Variants in RAPGEF4 observed in about 807,000 individuals in gnomAD.
RAPGEF4 encodes the protein Rap guanine nucleotide exchange factor 4.
RAPGEF4 carries 66 observed loss-of-function variants against 147.9 expected under a neutral mutation model. The observed-to-expected ratio is 0.45, with a 90% CI of 0.37 to 0.55. RAPGEF4 has a LOEUF of 0.55. Among genes scored for constraint, RAPGEF4 ranks in the 20% least tolerant of loss-of-function variants. The pLI is 0.00. For synonymous variants in RAPGEF4, 419 were observed against 442.7 expected (o/e 0.95, Z 0.67); for missense variants, 1,071 against 1,257.3 (o/e 0.85, Z 2.24).
intron 1 of RAPGEF4, among the ~76,000 whole-genome samples, chr2:172,793,816 A>G (rs1463756852): frequency 6.6e-6 from 1 of 151,988 alleles, no homozygotes; most frequent in Non-Finnish European, 1.5e-5. Flanking sequence ...ATTTTTTTTT[A>G]TGTGTGTGGC....
intron 4 of RAPGEF4, among the ~76,000 whole-genome samples, chr2:172,891,385 C>G (rs1697893679): frequency 6.6e-6 from 1 of 152,212 alleles, no homozygotes; most frequent in Non-Finnish European, 1.5e-5. Context: ...CTCAATCTCT[C>G]AATGTATATT....
intron 6 of RAPGEF4, among the ~76,000 whole-genome samples, chr2:172,942,958 G>A (rs968598169): frequency 2.6e-5 from 4 of 152,040 alleles, no homozygotes; most frequent in Non-Finnish European, 4.4e-5. Flanking sequence ...TCTGGCTGGC[G>A]GCCACTGCAC....
At chr2:172,745,280 G>T (rs1034906225) in intron 1 of RAPGEF4, among the ~76,000 whole-genome samples, 3 of 152,014 alleles carry the variant, frequency 2.0e-5, no homozygotes, top group Non-Finnish European at 4.4e-5. Context: ...GGACTGTTCA[G>T]ATTTTCTTTT....
At chr2:173,028,380 T>G (rs1038252424) in intron 25 of RAPGEF4, among the ~76,000 whole-genome samples, 11 of 152,280 alleles carry the variant, frequency 7.2e-5, no homozygotes, top group African/African-American at 2.6e-4. Context: ...AGATGTGCTT[T>G]CCCGTTAGAA....
rs1316240512 is a variant in RAPGEF4, at chr2:172,966,117, G to A, written c.820+434G>A. Among the ~76,000 whole-genome samples, 8 of 152,160 alleles carry A rather than the reference G, an allele frequency of 5.3e-5. No homozygotes were observed. The East Asian group carries it at 1.5e-3, about 29-fold the overall frequency. ...CTTTTAATTGTGCCGCTGTCTGGGA[G>A]AGCCAATTTGTATACCCACAGGATG... On this transcript the variant is annotated intron_variant, in intron 9 of 30. Transcript: ENST00000397081.
chr2:172,809,970 G>A (rs891202452), intron 3 of RAPGEF4, among the ~76,000 whole-genome samples: 23 of 152,192 alleles, frequency 1.5e-4, no homozygotes, highest in African/African-American at 5.5e-4. Context: ...AATGCCAAAT[G>A]TTTTATATTT....
At chr2:172,953,978 C>T (rs1688479039) in intron 6 of RAPGEF4, among the ~76,000 whole-genome samples, 1 of 152,162 alleles carries the variant, frequency 6.6e-6, no homozygotes, top group African/African-American at 2.4e-5. Context: ...AGTCTTTTCC[C>T]TAGAGAGTCT....
At chr2:173,034,150 T>C (rs1683602279) in intron 27 of RAPGEF4, among the ~76,000 whole-genome samples, 186 bp downstream of exon 27, 1 of 152,234 alleles carries the variant, frequency 6.6e-6, no homozygotes, top group Non-Finnish European at 1.5e-5. Flanking sequence ...AGGAACTAAC[T>C]TAAAGAGGAC....
chr2:172,824,019 A>C (rs1210553456), intron 4 of RAPGEF4, among the ~76,000 whole-genome samples: 1 of 152,222 alleles, frequency 6.6e-6, no homozygotes, highest in Non-Finnish European at 1.5e-5. Flanking sequence ...ATGAGTTAAA[A>C]AATCTAGTGT....
At chr2:172,954,963 C>T (rs1575359968) in intron 6 of RAPGEF4, among the ~76,000 whole-genome samples, 1 of 152,308 alleles carries the variant, frequency 6.6e-6, no homozygotes, top group South Asian at 2.1e-4. Context: ...TCTTTAGCCT[C>T]GCACACTGCT....
At position 172,967,361 on chromosome 2, in the gene RAPGEF4, G is replaced by A. The variant is rs1218078553; in HGVS notation, c.921G>A (p.Glu307=). 1.9e-6 allele frequency: 3 copies of A among 1,612,142 alleles called. No individual in the cohort carries two copies. Among genetic ancestry groups the A allele is most frequent in the Non-Finnish European group, 2.5e-6 (3 of 1,179,838 alleles). Residue 307 remains glutamate, a synonymous_variant, in exon 10 of 31, where the codon GAG becomes GAA. Transcript: ENST00000397081. ...TGCCTACTGAGGAGGAGAAGAAGGA[G>A]TGTGATGAGGAGCTCCAGGACACCA... ...APLPTEEEKK[E]CDEELQDTML... is the part of the protein sequence containing the mutation.
Position 172,735,953 on chromosome 2 carries a change from C to T in RAPGEF4, c.-31C>T, listed in dbSNP as rs1364863361. On this transcript the variant is annotated 5_prime_UTR_variant, in exon 1 of 31. Coordinates refer to ENST00000397081, the MANE Select transcript of RAPGEF4 (RefSeq NM_007023.4). ...GCAGAGCGAGCGCGGGAGGTCGCCG[C>T]AGCCAGGGACACCGCGCGCCGCCGC... is the stretch of plus-strand genomic sequence containing the variant. The T allele has an allele frequency of 6.9e-7, 1 of 1,441,470 alleles. No homozygotes were observed. Among genetic ancestry groups the T allele is most frequent in the East Asian group, 3.2e-5 (1 of 30,880 alleles). The allele number at this position is 1,441,470 out of a possible 1,614,324, so 89.3% of individuals were successfully genotyped here.
chr2:172,791,347 TAGA>T (rs1310152187), intron 1 of RAPGEF4, among the ~76,000 whole-genome samples: 3 of 152,194 alleles, frequency 2.0e-5, no homozygotes, highest in Admixed American at 6.5e-5. Context: ...GAGGTCGCTG[TAGA>T]AGATTACATG....
chr2:172,755,616 G>A lies in RAPGEF4; in HGVS notation c.65+19568G>A, dbSNP rs538020822. Among the ~76,000 whole-genome samples the A allele has an allele frequency of 2.0e-4, 30 of 152,108 alleles. 1 individual carries two copies. In the East Asian group the frequency reaches 2.3e-3, roughly 12 times the overall value. ...TCACCGTGTTGGCCAGGTTTGTCTC[G>A]AACTCCTGACCTCAGGTGATCTGCC... On this transcript the variant is annotated intron_variant, in intron 1 of 30. Transcript: ENST00000397081.
intron 23 of RAPGEF4, among the ~76,000 whole-genome samples, chr2:173,023,637 G>C (rs767326515): frequency 6.6e-6 from 1 of 152,184 alleles, no homozygotes; most frequent in African/African-American, 2.4e-5. Flanking sequence ...AGAGCTTTCC[G>C]TTACTCTCAA....
chr2:172,838,248 G>T (rs554298983), intron 4 of RAPGEF4, among the ~76,000 whole-genome samples: 1 of 151,974 alleles, frequency 6.6e-6, no homozygotes, highest in African/African-American at 2.4e-5. Context: ...ATATCATGAC[G>T]TGAAAGAATA....
chr2:172,952,612 G>C (rs2592941), intron 6 of RAPGEF4, among the ~76,000 whole-genome samples: 2 of 151,876 alleles, frequency 1.3e-5, no homozygotes, highest in African/African-American at 2.4e-5. Context: ...ATCTAGGCTC[G>C]ATCAAGCCAA....
Position 173,051,847 on chromosome 2 carries a change from A to G in RAPGEF4, c.*80A>G, listed in dbSNP as rs1686282288. ...TGCCATTTATGCTACTACTGACTGT[A>G]TTGCCACTAGAGAATTCTACAAAAC... On this transcript the variant is annotated 3_prime_UTR_variant, in exon 31 of 31. Transcript: ENST00000397081. The G allele has an allele frequency of 6.6e-7, 1 of 1,518,252 alleles. No homozygotes were observed. The highest frequency in any genetic ancestry group is 1.2e-5 in the South Asian group (1 of 83,752). The allele number at this position is 1,518,252 out of a possible 1,614,324, so 94.0% of individuals were successfully genotyped here.
intron 1 of RAPGEF4, among the ~76,000 whole-genome samples, chr2:172,740,314 G>A (rs1049501638): frequency 2.0e-5 from 3 of 152,222 alleles, no homozygotes; most frequent in Non-Finnish European, 4.4e-5. Flanking sequence ...GTTGGAGAAA[G>A]GTTCTCAGTT....
Sources: allele counts gnomAD v4.1 joint callset (sites outside exome capture counted in the v4.1 genomes callset), GRCh38; gene constraint gnomAD v4.1.1; transcripts MANE v1.5; gene names NCBI Gene and HGNC (gene_info 2026-07-23, HGNC 2026-07-21).